Variants in PRR11 observed in about 807,000 individuals in gnomAD.
PRR11 encodes proline-rich protein 11.
Under a neutral mutation model 45.6 loss-of-function variants are expected in PRR11, and 30 were observed. The observed-to-expected ratio is 0.66, with a 90% CI of 0.49 to 0.89. The LOEUF (loss-of-function observed/expected upper bound fraction) is 0.89, where lower values mean the gene tolerates loss of function less well. PRR11 is among the 40% of genes least tolerant of loss of function. The pLI is 0.00. For synonymous variants in PRR11, 128 were observed against 153.5 expected, an observed-to-expected ratio of 0.83 and a Z score of 1.23; for missense variants, 373 against 424.8, an observed-to-expected ratio of 0.88 and a Z score of 1.07.
At chr17:59,178,017 AC>A (rs1257665641) in intron 2 of PRR11, among the ~76,000 whole-genome samples, 1 of 151,346 alleles carries the variant, frequency 6.6e-6, no homozygotes, top group East Asian at 1.9e-4. Flanking sequence ...AAAAAAAAAA[AC>A]AGGTGGGCAC....
At chr17:59,178,375 T>G (rs1195047693) in intron 2 of PRR11, 1 of 447,596 alleles carries the variant, frequency 2.2e-6, no homozygotes, top group Non-Finnish European at 4.4e-6. Flanking sequence ...TGGGAAGTGC[T>G]GGAGGGAGAG....
At chr17:59,159,315 T>C (rs2046640677) in intron 1 of PRR11, among the ~76,000 whole-genome samples, 1 of 152,236 alleles carries the variant, frequency 6.6e-6, no homozygotes, top group Non-Finnish European at 1.5e-5. Context: ...CACTCATTTC[T>C]AGTGTTGTTA....
intron 1 of PRR11, among the ~76,000 whole-genome samples, chr17:59,156,481 G>T (rs556045189): frequency 7.9e-5 from 12 of 151,692 alleles, no homozygotes; most frequent in African/African-American, 2.7e-4. Context: ...TGTTCAAGAA[G>T]AATCAATTGG....
chr17:59,192,283 C>T (rs1164715111), intron 4 of PRR11, among the ~76,000 whole-genome samples: 1 of 152,114 alleles, frequency 6.6e-6, no homozygotes, highest in Non-Finnish European at 1.5e-5. Context: ...GATTCTTCCC[C>T]AGAGGTATGG....
chr17:59,206,705 T>C lies in PRR11; in HGVS notation c.*5074T>C, dbSNP rs2046919877. 6.6e-6 allele frequency among the ~76,000 whole-genome samples: 1 copy of C among 152,058 alleles called. No individual in the cohort carries two copies. The highest frequency in any genetic ancestry group is 2.4e-5 in the African/African-American group (1 of 41,396). On this transcript the variant is annotated 3_prime_UTR_variant, in exon 10 of 10. Coordinates refer to ENST00000262293, the MANE Select transcript of PRR11 (RefSeq NM_018304.4). Reference sequence around the variant, plus strand: ...TAATAAAAGTTTTGGTTTTTCTCTTTCTAACCTTCTTTTTAAACTAGAAAT... The same window carrying C: ...TAATAAAAGTTTTGGTTTTTCTCTTCCTAACCTTCTTTTTAAACTAGAAAT...
chr17:59,206,478 A>C lies in PRR11; in HGVS notation c.*4847A>C, dbSNP rs2046918647. 6.6e-6 allele frequency among the ~76,000 whole-genome samples: 1 copy of C among 152,034 alleles called. No individual in the cohort carries two copies. Among genetic ancestry groups the C allele is most frequent in the South Asian group, 2.1e-4 (1 of 4,822 alleles). ...GCAAAGCTGCTACTGCCATTGTACC[A>C]GTGTTAAAATGTGTTCTACCTTGCA... On this transcript the variant is annotated 3_prime_UTR_variant, in exon 10 of 10. Transcript: ENST00000262293.
intron 1 of PRR11, among the ~76,000 whole-genome samples, chr17:59,157,386 G>A (rs1052498636): frequency 6.6e-6 from 1 of 152,116 alleles, no homozygotes; most frequent in Non-Finnish European, 1.5e-5. Flanking sequence ...GTGCAAAAGA[G>A]ATGACATTTC....
At chr17:59,177,382 T>G (rs999461550) in intron 2 of PRR11, 14 of 507,698 alleles carry the variant, frequency 2.8e-5, no homozygotes, top group Non-Finnish European at 4.8e-5. Flanking sequence ...TTGGGGTGAC[T>G]GTGCTCATGT....
intron 1 of PRR11, among the ~76,000 whole-genome samples, chr17:59,165,798 A>T (rs1156410234): frequency 1.3e-5 from 2 of 148,872 alleles, no homozygotes; most frequent in Non-Finnish European, 3.0e-5. Flanking sequence ...GTCTCAAAAA[A>T]AAAACAAAAA....
intron 1 of PRR11, among the ~76,000 whole-genome samples, chr17:59,163,836 G>A (rs1336599936): frequency 6.6e-6 from 1 of 152,194 alleles, no homozygotes; most frequent in Non-Finnish European, 1.5e-5. Flanking sequence ...GGAGGCCAAG[G>A]CTGATGGATC....
At chr17:59,193,861 T>G in intron 5 of PRR11, 127 bp downstream of exon 5, 2 of 1,084,958 alleles carry the variant, frequency 1.8e-6, no homozygotes, top group Non-Finnish European at 2.6e-6. Context: ...TATTTTGTTC[T>G]GATTCCGTAT....
chr17:59,181,561 A>C (rs9797220), intron 2 of PRR11: 1 of 1,255,050 alleles, frequency 8.0e-7, no homozygotes, highest in Non-Finnish European at 1.1e-6. Context: ...GAATGACACT[A>C]GCCGTTGCTT....
At chr17:59,194,939 C>T in intron 6 of PRR11, 84 bp downstream of exon 6, 2 of 1,116,080 alleles carry the variant, frequency 1.8e-6, no homozygotes, top group Non-Finnish European at 2.6e-6. Context: ...TTTGGGAGAC[C>T]AAGGTGGGAG....
At chr17:59,158,875 C>A (rs536233360) in intron 1 of PRR11, among the ~76,000 whole-genome samples, 6 of 152,320 alleles carry the variant, frequency 3.9e-5, no homozygotes, top group Admixed American at 3.9e-4. Context: ...GCACCCAGTG[C>A]AGTGGCGTGA....
At chr17:59,199,133 G>A (rs1317675984) in intron 9 of PRR11, among the ~76,000 whole-genome samples, 2 of 152,188 alleles carry the variant, frequency 1.3e-5, no homozygotes, top group Admixed American at 1.3e-4. Flanking sequence ...TGGGAACCCA[G>A]AGAGGAACTT....
intron 5 of PRR11, 37 bp from the exon 6 acceptor site, chr17:59,194,720 T>G (rs1208817308): frequency 2.0e-6 from 3 of 1,529,220 alleles, no homozygotes; most frequent in African/African-American, 2.8e-5. Context: ...GTTGTGCTGG[T>G]TCCAATTTGA....
At chr17:59,173,101 G>C (rs2046719688) in intron 2 of PRR11, among the ~76,000 whole-genome samples, 1 of 152,222 alleles carries the variant, frequency 6.6e-6, no homozygotes, top group African/African-American at 2.4e-5. Flanking sequence ...TCTGTGTCTA[G>C]CTCAGGGTTT....
At chr17:59,168,422 G>A (rs142296044) in intron 1 of PRR11, among the ~76,000 whole-genome samples, 13,589 of 152,054 alleles carry the variant, frequency 0.089, 865 homozygotes, top group South Asian at 0.23. Context: ...TGCCCACCTC[G>A]GCCTCCCAAA....
chr17:59,173,268 T>C (rs1198205941), intron 2 of PRR11, among the ~76,000 whole-genome samples: 2 of 152,080 alleles, frequency 1.3e-5, no homozygotes, highest in African/African-American at 2.4e-5. Context: ...CTCTGTAAAA[T>C]GGACCAATCA....
Sources: gnomAD v4.1 joint callset for allele counts (sites outside exome capture counted in the v4.1 genomes callset) on GRCh38, gnomAD v4.1.1 for gene constraint, MANE v1.5 for transcripts, NCBI Gene and HGNC (gene_info 2026-07-23, HGNC 2026-07-21) for gene names.